The following CPSF3 variants were observed in gnomAD, a reference collection of about 807,000 sequenced individuals.
CPSF3 encodes cleavage and polyadenylation specific factor 3, also known as cleavage and polyadenylation specificity factor subunit 3.
CPSF3 carries 57 observed loss-of-function variants against 84.1 expected under a neutral mutation model. The observed-to-expected ratio is 0.68, with a 90% CI of 0.55 to 0.85. CPSF3 has a LOEUF of 0.85. CPSF3 is among the 40% of genes least tolerant of loss of function. The pLI is 0.00. For missense variants in CPSF3, 522 were observed against 838.8 expected (o/e 0.62, Z 4.66); for synonymous variants, 275 against 278.1 (o/e 0.99, Z 0.11).
intron 7 of CPSF3, among the ~76,000 whole-genome samples, chr2:9,440,202 T>C (rs890593464): frequency 3.3e-5 from 5 of 152,198 alleles, no homozygotes; most frequent in Non-Finnish European, 7.3e-5. Context: ...TAGTAAGTTA[T>C]AGACTTCAGT....
intron 6 of CPSF3, among the ~76,000 whole-genome samples, chr2:9,434,797 T>C (rs1299809521): frequency 6.6e-6 from 1 of 151,880 alleles, no homozygotes; most frequent in Non-Finnish European, 1.5e-5. Context: ...GAGTCAGGGG[T>C]TGGGAGAGAA....
At chr2:9,428,569 A>G (rs1174757177) in intron 1 of CPSF3, among the ~76,000 whole-genome samples, 196 bp from the exon 2 acceptor site, 2 of 152,226 alleles carry the variant, frequency 1.3e-5, no homozygotes, top group Admixed American at 6.5e-5. Flanking sequence ...CCCAAGGATC[A>G]GTTTTCATCT....
chr2:9,456,390 AC>A (rs1558461523), intron 13 of CPSF3, among the ~76,000 whole-genome samples: 1 of 152,246 alleles, frequency 6.6e-6, no homozygotes, highest in African/African-American at 2.4e-5. Flanking sequence ...ATGAAGTACC[AC>A]CATAAAATAA....
At chr2:9,459,410 T>A in intron 14 of CPSF3, 121 bp from the exon 15 acceptor site, 1 of 705,636 alleles carries the variant, frequency 1.4e-6, no homozygotes, top group Non-Finnish European at 2.6e-6. Context: ...TTAATTTCAT[T>A]GAAAATGCTA....
chr2:9,433,730 A>T, intron 5 of CPSF3, 141 bp from the exon 6 acceptor site: 1 of 623,384 alleles, frequency 1.6e-6, no homozygotes, highest in Non-Finnish European at 2.9e-6. Context: ...TTTGAATTGG[A>T]CACAAGCACT....
intron 16 of CPSF3, among the ~76,000 whole-genome samples, chr2:9,469,330 C>T (rs1171757845): frequency 2.6e-5 from 4 of 152,160 alleles, no homozygotes; most frequent in Admixed American, 1.3e-4. Flanking sequence ...CCCCTCCCCA[C>T]AGGCTATCCT....
At chr2:9,446,391 TA>T (rs892951315) in intron 10 of CPSF3, among the ~76,000 whole-genome samples, 1 of 152,086 alleles carries the variant, frequency 6.6e-6, no homozygotes, top group East Asian at 1.9e-4. Flanking sequence ...CCATCCTGGC[TA>T]ACACGGTGAA....
Position 9,432,677 on chromosome 2 carries a change from G to T in CPSF3, c.508G>T (p.Ala170Ser), listed in dbSNP as rs372969777. Residue 170 changes from alanine (A) to serine (S), a missense_variant, in exon 5 of 18, where the codon GCA (alanine) becomes TCA (serine). By Grantham distance (99) the Ala-to-Ser change is moderately conservative. Transcript: ENST00000238112. ...LGAAMFMIEIAGVKLLYTGDF... is the reference protein window; with the variant it reads ...LGAAMFMIEISGVKLLYTGDF... The stretch of plus-strand genomic sequence containing the variant: ...AGCCGCCATGTTCATGATTGAGATC[G>T]CAGGCGTGAAGGTACCCTCTGGCTG... The T allele has an allele frequency of 6.6e-7, 1 of 1,526,564 alleles. No individual in the cohort carries two copies. The highest frequency in any genetic ancestry group is 8.9e-7 in the Non-Finnish European group (1 of 1,119,344). 94.6% of individuals were successfully genotyped at this position (1,526,564 alleles called of 1,614,324 possible). A position where few individuals can be genotyped will look rare whatever the true frequency, so the allele number is the denominator to read the frequency against.
intron 10 of CPSF3, among the ~76,000 whole-genome samples, chr2:9,444,786 C>T (rs985886143): frequency 2.6e-5 from 4 of 152,208 alleles, no homozygotes; most frequent in South Asian, 4.2e-4. Flanking sequence ...CTGCCTCAGC[C>T]TTCCGGGTAG....
chr2:9,436,386 G>A, intron 7 of CPSF3, 25 bp downstream of exon 7: 1 of 1,582,448 alleles, frequency 6.3e-7, no homozygotes, highest in Non-Finnish European at 8.6e-7. Context: ...TTGTATTTAG[G>A]CGATGATCAA....
At chr2:9,471,191 G>C in intron 16 of CPSF3, 152 bp from the exon 17 acceptor site, 1 of 450,262 alleles carries the variant, frequency 2.2e-6, no homozygotes, top group Non-Finnish European at 4.1e-6. Flanking sequence ...TCCAGCCTGG[G>C]CCACAGAGCA....
intron 1 of CPSF3, among the ~76,000 whole-genome samples, chr2:9,426,427 A>C (rs1220905260): frequency 6.6e-6 from 1 of 152,232 alleles, no homozygotes; most frequent in Non-Finnish European, 1.5e-5. Flanking sequence ...CTAGTTTGGC[A>C]TCTTGAATAT....
At chr2:9,428,207 A>C (rs78121387) in intron 1 of CPSF3, among the ~76,000 whole-genome samples, 1 of 147,366 alleles carries the variant, frequency 6.8e-6, no homozygotes, top group Non-Finnish European at 1.5e-5. Context: ...CGTGTTAGCC[A>C]GGATGGGTCT....
chr2:9,453,697 C>T (rs1031532611), intron 12 of CPSF3, among the ~76,000 whole-genome samples: 4 of 152,074 alleles, frequency 2.6e-5, no homozygotes, highest in Non-Finnish European at 4.4e-5. Flanking sequence ...TCGAGACCAT[C>T]CTGACCAACA....
chr2:9,467,392 A>G (rs180949280), intron 15 of CPSF3, among the ~76,000 whole-genome samples: 4 of 152,350 alleles, frequency 2.6e-5, no homozygotes, highest in Admixed American at 2.0e-4. Context: ...AGTTTAAGAA[A>G]TGTGGGAAAT....
intron 12 of CPSF3, among the ~76,000 whole-genome samples, chr2:9,455,359 C>T (rs1292356803): frequency 1.3e-5 from 2 of 152,096 alleles, no homozygotes; most frequent in African/African-American, 4.8e-5. Context: ...TGGTCTTGAA[C>T]TCCTGATCTC....
intron 2 of CPSF3, among the ~76,000 whole-genome samples, chr2:9,429,159 C>T (rs1209360344): frequency 6.6e-6 from 1 of 152,244 alleles, no homozygotes; most frequent in African/African-American, 2.4e-5. Flanking sequence ...ACTCTGAACA[C>T]ACTGAGAGCT....
chr2:9,472,178 G>C (rs1682193449), intron 17 of CPSF3, among the ~76,000 whole-genome samples: 1 of 151,776 alleles, frequency 6.6e-6, no homozygotes, highest in African/African-American at 2.4e-5. Context: ...CCCAGGCGTG[G>C]TGGTGTGCCT....
At chr2:9,471,503 C>A (rs149643889) in intron 17 of CPSF3, 64 bp downstream of exon 17, 25,806 of 979,394 alleles carry the variant, frequency 0.026, 440 homozygotes, top group Non-Finnish European at 0.034. Context: ...CATAAATAAT[C>A]TGTGCTCTCA....
Sources: allele counts gnomAD v4.1 joint callset (sites outside exome capture counted in the v4.1 genomes callset), GRCh38; gene constraint gnomAD v4.1.1; transcripts MANE v1.5; gene names NCBI Gene and HGNC (gene_info 2026-07-23, HGNC 2026-07-21).